Variants in FOXP4 observed in about 807,000 individuals in gnomAD.
FOXP4 encodes the protein forkhead box P4, also known as forkhead box protein P4.
Under a neutral mutation model 82.6 loss-of-function variants are expected in FOXP4, and 25 were observed. The ratio of observed to expected loss-of-function variants is 0.30; its 90% CI spans 0.22 to 0.42. The LOEUF (loss-of-function observed/expected upper bound fraction) is 0.42. Ranked by LOEUF, FOXP4 falls within the 10% of genes least tolerant of loss-of-function variation. FOXP4 has a pLI of 1.00. For missense variants in FOXP4, 785 were observed against 900.9 expected, an observed-to-expected ratio of 0.87 and a Z score of 1.65; for synonymous variants, 415 against 388.2, an observed-to-expected ratio of 1.07 and a Z score of -0.81.
chr6:41,549,556 A>C (rs937174656), intron 1 of FOXP4, among the ~76,000 whole-genome samples: 1 of 151,980 alleles, frequency 6.6e-6, no homozygotes, highest in African/African-American at 2.4e-5. Context: ...AGGGAAGCAG[A>C]GGGACTGGGA....
intron 2 of FOXP4, among the ~76,000 whole-genome samples, chr6:41,569,313 C>A (rs1224919988): frequency 6.6e-6 from 1 of 152,210 alleles, no homozygotes; most frequent in African/African-American, 2.4e-5. Context: ...TTAAAGAATA[C>A]CCTAGACCAT....
chr6:41,565,612 G>T lies in FOXP4; in HGVS notation c.-16-133G>T, dbSNP rs77244684. The T allele has an allele frequency of 3.4e-3, 2,743 of 800,484 alleles. 43 individuals carry two copies. The African/African-American group carries it at 0.038, about 11-fold the overall frequency. The allele number at this position is 800,484 out of a possible 1,614,324, so 49.6% of individuals were successfully genotyped here. On this transcript the variant is annotated intron_variant, in intron 1 of 16. Transcript: ENST00000307972. Reference sequence around the variant, plus strand: ...CATTCCATCAGGCATCCCAGGAGCAGCCTCTGGGAAGTTGAGGAGAAGTAG... The same window carrying T: ...CATTCCATCAGGCATCCCAGGAGCATCCTCTGGGAAGTTGAGGAGAAGTAG...
At chr6:41,576,768 A>G (rs1765512408) in intron 2 of FOXP4, among the ~76,000 whole-genome samples, 2 of 152,152 alleles carry the variant, frequency 1.3e-5, no homozygotes, top group Non-Finnish European at 2.9e-5. Flanking sequence ...AAGGAGACTG[A>G]AGTGCAGAGA....
In FOXP4 at chr6:41,587,089, G is replaced by T. The variant is rs1356223433; in HGVS notation, c.591G>T (p.Leu197=). 1 of 1,609,566 alleles carries T rather than the reference G, an allele frequency of 6.2e-7. No individual in the cohort carries two copies. ...TGCAGCAGCAGCACCTGCTCAACCT[G>T]CAGAGGCAGGGGCTGGTCAGCCTGC... ...QQLQQQHLLN[L]QRQGLVSLQP... The change falls in exon 6 of 17, where the codon CTG becomes CTT. Residue 197 remains leucine (L), a synonymous_variant. Coordinates refer to ENST00000307972, the MANE Select transcript of FOXP4 (RefSeq NM_001012426.2).
At position 41,587,980 on chromosome 6, in the gene FOXP4, C is replaced by T. The variant is rs1766258643; in HGVS notation, c.977+83C>T. 6 of 729,234 alleles carry T rather than the reference C, an allele frequency of 8.2e-6. No homozygotes were observed. The South Asian group carries it at 9.6e-5, about 12-fold the overall frequency. 45.2% of individuals were successfully genotyped at this position (729,234 alleles called of 1,614,324 possible). ...AACCCTGCCCACTAGCTTGCCCCTT[C>T]TGGGAGCCCTCCTCACTAGCTGTAC... On this transcript the variant is annotated intron_variant, in intron 8 of 16. Coordinates refer to ENST00000307972, the MANE Select transcript of FOXP4 (RefSeq NM_001012426.2).
chr6:41,565,250 C>T (rs1764806829), intron 1 of FOXP4, among the ~76,000 whole-genome samples: 2 of 152,112 alleles, frequency 1.3e-5, no homozygotes, highest in African/African-American at 2.4e-5. Flanking sequence ...ATCCTAGCTA[C>T]TCAGGAGGCT....
intron 2 of FOXP4, 96 bp downstream of exon 2, chr6:41,566,060 AG>A (rs1581724683): frequency 2.3e-6 from 3 of 1,319,346 alleles, no homozygotes; most frequent in South Asian, 1.4e-5. Context: ...ACTCCCTGCC[AG>A]GCAGCCTCAC....
intron 13 of FOXP4, among the ~76,000 whole-genome samples, chr6:41,592,861 T>TGCCCA (rs1766597035): frequency 6.6e-6 from 1 of 152,124 alleles, no homozygotes; most frequent in African/African-American, 2.4e-5. Context: ...CTGCCGCCCT[T>TGCCCA]GCCCAGCCCA....
In FOXP4 at chr6:41,597,927, T is replaced by G; in HGVS notation, c.1872T>G (p.Pro624=). Residue 624 remains proline (P), a synonymous_variant, in exon 16 of 17, where the codon CCT becomes CCG. Transcript: ENST00000307972. ...PLPSNGSSSP[P]RLSPPQYSHQ... ...CCAGCAACGGCAGCAGCAGCCCTCC[T>G]CGCCTCTCCCCGCCCCAGTACAGGT... is the stretch of plus-strand genomic sequence containing the variant. The G allele has an allele frequency of 6.4e-7, 1 of 1,562,624 alleles. No homozygotes were observed. The highest frequency in any genetic ancestry group is 8.6e-7 in the Non-Finnish European group (1 of 1,160,948).
In FOXP4 at chr6:41,575,846, G is replaced by A. The variant is rs115558193; in HGVS notation, c.205-2140G>A. 9.7e-3 allele frequency among the ~76,000 whole-genome samples: 1,467 copies of A among 151,600 alleles called. 19 individuals carry two copies. The highest frequency in any genetic ancestry group is 0.033 in the African/African-American group (1,351 of 41,258). On this transcript the variant is annotated intron_variant, in intron 2 of 16. Coordinates refer to ENST00000307972, the MANE Select transcript of FOXP4 (RefSeq NM_001012426.2). ...GTGTCCCTTTTGGGTCGCCTGGGCT[G>A]GCCAGCCTCTCTGAGCCATCTTCTT...
chr6:41,585,641 G>C (rs1258144011), intron 5 of FOXP4, 124 bp downstream of exon 5: 2 of 860,562 alleles, frequency 2.3e-6, no homozygotes, highest in Non-Finnish European at 3.6e-6. Context: ...GCTGAGGAAG[G>C]GGACCAAGGA....
intron 1 of FOXP4, among the ~76,000 whole-genome samples, chr6:41,563,484 C>T (rs1168102284): frequency 4.6e-5 from 7 of 152,200 alleles, no homozygotes; most frequent in East Asian, 1.9e-4. Context: ...TCAGGGAGAC[C>T]GTGTGGTTAT....
At chr6:41,549,677 G>C (rs1763885617) in intron 1 of FOXP4, among the ~76,000 whole-genome samples, 1 of 150,460 alleles carries the variant, frequency 6.6e-6, no homozygotes. Flanking sequence ...TGAAGGCTGG[G>C]GTCTGCTGTC....
At chr6:41,572,138 C>T (rs1765232589) in intron 2 of FOXP4, among the ~76,000 whole-genome samples, 2 of 152,202 alleles carry the variant, frequency 1.3e-5, no homozygotes, top group African/African-American at 4.8e-5. Flanking sequence ...TCTCAGGCCA[C>T]TCTTCTCTTG....
intron 1 of FOXP4, among the ~76,000 whole-genome samples, chr6:41,553,602 C>T (rs992191009): frequency 6.6e-6 from 1 of 152,156 alleles, no homozygotes; most frequent in African/African-American, 2.4e-5. Flanking sequence ...CTGATCTCTC[C>T]TTAAGTAAAC....
At chr6:41,589,657 C>T (rs1229911011) in intron 9 of FOXP4, 114 bp from the exon 10 acceptor site, 8 of 1,055,142 alleles carry the variant, frequency 7.6e-6, no homozygotes, top group Middle Eastern at 3.1e-4. Flanking sequence ...GGCAAGGAGG[C>T]GAATGGGGGT....
At chr6:41,553,424 C>G (rs1026137065) in intron 1 of FOXP4, among the ~76,000 whole-genome samples, 1 of 152,166 alleles carries the variant, frequency 6.6e-6, no homozygotes, top group African/African-American at 2.4e-5. Flanking sequence ...CTCCCCCATT[C>G]CTTTTTTTCT....
At chr6:41,556,330 T>TA (rs998712253) in intron 1 of FOXP4, among the ~76,000 whole-genome samples, 16 of 151,574 alleles carry the variant, frequency 1.1e-4, no homozygotes, top group Admixed American at 1.1e-3. Flanking sequence ...TGAATGTTTT[T>TA]TTTTTTTTTT....
chr6:41,575,341 G>C (rs1765419809), intron 2 of FOXP4, among the ~76,000 whole-genome samples: 1 of 152,180 alleles, frequency 6.6e-6, no homozygotes, highest in Admixed American at 6.5e-5. Context: ...GCCACATTCT[G>C]TTTCTGTGTA....
Sources: allele counts gnomAD v4.1 joint callset (sites outside exome capture counted in the v4.1 genomes callset), GRCh38; gene constraint gnomAD v4.1.1; transcripts MANE v1.5; gene names NCBI Gene and HGNC (gene_info 2026-07-23, HGNC 2026-07-21).